Variants in MN1 observed in about 807,000 individuals in gnomAD.
MN1 encodes the protein transcriptional activator MN1.
A neutral mutation model predicts 86.9 loss-of-function variants in MN1; 19 were observed. The observed-to-expected ratio is 0.22, with a 90% CI of 0.15 to 0.32. MN1 has a LOEUF of 0.32. Ranked by LOEUF, MN1 falls within the 10% of genes least tolerant of loss-of-function variation. The pLI is 1.00. For missense variants in MN1, 1,841 were observed against 1,862.0 expected, an observed-to-expected ratio of 0.99 and a Z score of 0.21; for synonymous variants, 928 against 849.6, an observed-to-expected ratio of 1.09 and a Z score of -1.60.
chr22:27,777,663 A>C (rs1194044041), intron 1 of MN1, among the ~76,000 whole-genome samples: 2 of 151,992 alleles, frequency 1.3e-5, no homozygotes, highest in Non-Finnish European at 2.9e-5. Flanking sequence ...GTTCAAGACC[A>C]GCCTGGCCAA....
intron 1 of MN1, among the ~76,000 whole-genome samples, chr22:27,754,617 T>C (rs1354658565): frequency 1.3e-5 from 2 of 152,206 alleles, no homozygotes; most frequent in Non-Finnish European, 2.9e-5. Context: ...TCATTCCAGC[T>C]AGGGGGACCT....
At chr22:27,785,288 G>A (rs925875866) in intron 1 of MN1, among the ~76,000 whole-genome samples, 3 of 152,178 alleles carry the variant, frequency 2.0e-5, no homozygotes, top group Non-Finnish European at 4.4e-5. Context: ...GAGTCTGGGT[G>A]TTGTGGCCTC....
At chr22:27,773,129 C>A (rs1302094187) in intron 1 of MN1, among the ~76,000 whole-genome samples, 2 of 151,566 alleles carry the variant, frequency 1.3e-5, no homozygotes, top group African/African-American at 4.9e-5. Context: ...CCCCGAGGAG[C>A]CCCATTTGCA....
chr22:27,800,732 A>C lies in MN1; in HGVS notation c.-189T>G. The C allele has an allele frequency of 1.5e-6, 1 of 666,084 alleles. No homozygotes were observed. Among genetic ancestry groups the C allele is most frequent in the Non-Finnish European group, 2.5e-6 (1 of 397,078 alleles). 41.3% of individuals were successfully genotyped at this position (666,084 alleles called of 1,614,324 possible). On this transcript the variant is annotated 5_prime_UTR_variant, in exon 1 of 2. Coordinates refer to ENST00000302326, the MANE Select transcript of MN1 (RefSeq NM_002430.3). ...GGCGGGGTATTAGCTCCTCTCCTGA[A>C]GCTCCGATTCTGCCCGGGGAGGGCC...
intron 1 of MN1, among the ~76,000 whole-genome samples, chr22:27,769,552 A>ATTCTTTTTTTTTTTTTT (rs1932896960): frequency 1.2e-5 from 1 of 83,268 alleles, no homozygotes; most frequent in Non-Finnish European, 2.1e-5. Context: ...AAGGATGCCA[A>ATTCTTTTTTTTTTTTTT]TTTTTTTTTT....
rs575137643 is a variant in MN1, at chr22:27,749,684, G to A, written c.*1231C>T. 1.7e-5 allele frequency: 4 copies of A among 231,482 alleles called. No individual in the cohort carries two copies. The East Asian group carries it at 1.8e-4, about 11-fold the overall frequency. The allele number at this position is 231,482 out of a possible 1,614,324, so 14.3% of individuals were successfully genotyped here. On this transcript the variant is annotated 3_prime_UTR_variant, in exon 2 of 2. Coordinates refer to ENST00000302326, the MANE Select transcript of MN1 (RefSeq NM_002430.3). ...ATTCCAGAGTTCAAAACTAAAAGGC[G>A]CAGGAATCAAAGTCATTTCATTCTA...
intron 1 of MN1, among the ~76,000 whole-genome samples, chr22:27,784,749 C>T (rs1451315667): frequency 6.6e-6 from 1 of 152,150 alleles, no homozygotes; most frequent in Non-Finnish European, 1.5e-5. Flanking sequence ...CTGGGACAAC[C>T]AGGCTGAGGG....
chr22:27,799,728 G>A lies in MN1; in HGVS notation c.816C>T (p.Gly272=). ...CCGCAGCTCTGGGCATGGCCGAGGC[G>A]CCCGGGAAAGCGCCCCCAGGAACCT... ...GRQVPGGAFP[G]ASAMPRAAGM... Residue 272 remains glycine (G), a synonymous_variant, in exon 1 of 2, where the codon GGC becomes GGT. Coordinates refer to ENST00000302326, the MANE Select transcript of MN1 (RefSeq NM_002430.3). The A allele has an allele frequency of 6.3e-7, 1 of 1,576,414 alleles. No individual in the cohort carries two copies. Among genetic ancestry groups the A allele is most frequent in the Non-Finnish European group, 8.6e-7 (1 of 1,161,680 alleles).
rs547270448 is a variant in MN1 at position 27,753,577 on chromosome 22, G to A, written c.3782-2481C>T. Among the ~76,000 whole-genome samples the A allele has an allele frequency of 3.0e-4, 45 of 152,352 alleles. No homozygotes were observed. In the South Asian group the frequency reaches 4.8e-3, roughly 16 times the overall value. ...CTTCCTGGGGCCCAGCTAGGTGGGC[G>A]TGTTCCTGCCCATGAAACAGGAGCC... On this transcript the variant is annotated intron_variant, in intron 1 of 1. Coordinates refer to ENST00000302326, the MANE Select transcript of MN1 (RefSeq NM_002430.3).
chr22:27,793,197 C>T (rs1037526584), intron 1 of MN1, among the ~76,000 whole-genome samples: 11 of 152,070 alleles, frequency 7.2e-5, no homozygotes, highest in African/African-American at 2.7e-4. Context: ...TTACAGAATA[C>T]GGTTAATTCA....
chr22:27,782,586 A>G (rs1933068685), intron 1 of MN1, among the ~76,000 whole-genome samples: 1 of 152,210 alleles, frequency 6.6e-6, no homozygotes, highest in South Asian at 2.1e-4. Context: ...GCTGGCATAT[A>G]GTACTTTCTC....
At chr22:27,781,656 G>A (rs1296510897) in intron 1 of MN1, among the ~76,000 whole-genome samples, 5 of 152,180 alleles carry the variant, frequency 3.3e-5, no homozygotes, top group African/African-American at 1.2e-4. Flanking sequence ...CAGATGCTCA[G>A]GCCCCACAGC....
chr22:27,791,354 A>T (rs1225961264), intron 1 of MN1, among the ~76,000 whole-genome samples: 1 of 152,106 alleles, frequency 6.6e-6, no homozygotes, highest in Non-Finnish European at 1.5e-5. Flanking sequence ...ACCAAGAGCG[A>T]TCAAATCCCA....
chr22:27,799,086 G>A lies in MN1; in HGVS notation c.1458C>T (p.Leu486=). 1.2e-6 allele frequency: 2 copies of A among 1,608,040 alleles called. No individual in the cohort carries two copies. The highest frequency in any genetic ancestry group is 8.5e-7 in the Non-Finnish European group (1 of 1,176,086). ...SMHNGALDNH[L]SPSAYPGLPG... is the part of the protein sequence containing the mutation. ...GTAGGCCTGGGTAGGCGGAAGGGGA[G>A]AGGTGATTATCCAGAGCGCCGTTGT... Residue 486 remains leucine (L), a synonymous_variant, in exon 1 of 2, where the codon CTC becomes CTT. Transcript: ENST00000302326.
intron 1 of MN1, among the ~76,000 whole-genome samples, chr22:27,785,608 G>C (rs1933120356): frequency 6.6e-6 from 1 of 152,166 alleles, no homozygotes; most frequent in Non-Finnish European, 1.5e-5. Flanking sequence ...ACCGAGCGTG[G>C]GGGCTCTTGC....
chr22:27,788,570 C>A (rs1933168331), intron 1 of MN1, among the ~76,000 whole-genome samples: 1 of 152,002 alleles, frequency 6.6e-6, no homozygotes, highest in Admixed American at 6.5e-5. Flanking sequence ...GTTCCAAGAT[C>A]CAAGGGCGTC....
chr22:27,798,721 C>A lies in MN1; in HGVS notation c.1823G>T (p.Gly608Val), dbSNP rs376119570. 6.9e-5 allele frequency: 106 copies of A among 1,535,346 alleles called. No homozygotes were observed. The highest frequency in any genetic ancestry group is 7.7e-5 in the Non-Finnish European group (88 of 1,146,792). Residue 608 changes from glycine to valine, a missense_variant, in exon 1 of 2, where the codon GGC becomes GTC. By Grantham distance (109) the Gly-to-Val change is moderately radical. Coordinates refer to ENST00000302326, the MANE Select transcript of MN1 (RefSeq NM_002430.3). ...LAQPNFEREG[G>V]STGAGRLGTF... ...GCCCAGACGCCCGGCGCCCGTGCTG[C>A]CGCCTTCGCGCTCAAAGTTCGGCTG...
intron 1 of MN1, among the ~76,000 whole-genome samples, chr22:27,758,982 C>A (rs922220272): frequency 2.0e-5 from 3 of 152,174 alleles, no homozygotes; most frequent in African/African-American, 7.2e-5. Flanking sequence ...TGCGCCACCA[C>A]GCCCGGCTAA....
At chr22:27,781,764 G>A (rs1188859087) in intron 1 of MN1, among the ~76,000 whole-genome samples, 4 of 152,142 alleles carry the variant, frequency 2.6e-5, no homozygotes, top group African/African-American at 4.8e-5. Flanking sequence ...CACAGCACAC[G>A]AGTGGCAGAG....
Sources: gnomAD v4.1 joint callset for allele counts (sites outside exome capture counted in the v4.1 genomes callset) on GRCh38, gnomAD v4.1.1 for gene constraint, MANE v1.5 for transcripts, NCBI Gene and HGNC (gene_info 2026-07-23, HGNC 2026-07-21) for gene names.